Variants in DNAH1 observed in about 807,000 individuals in gnomAD.
DNAH1 encodes the protein dynein axonemal heavy chain 1.
Under a neutral mutation model 484.3 loss-of-function variants are expected in DNAH1, and 327 were observed. The observed-to-expected ratio is 0.68, with a 90% CI of 0.62 to 0.74. DNAH1 has a LOEUF of 0.74. DNAH1 is among the 30% of genes least tolerant of loss of function. The pLI is 0.00. For synonymous variants in DNAH1, 2,192 were observed against 2,191.9 expected (o/e 1.00, Z 0.00); for missense variants, 5,052 against 5,546.8 (o/e 0.91, Z 2.83).
At position 52,351,948 on chromosome 3, in the gene DNAH1, C is replaced by T. The variant is rs183881345; in HGVS notation, c.2730-14C>T. ...CGCGATATTTCTCCCAATCCCCACC[C>T]CCATCCCGGCCAGATGGATTGCCAG... On this transcript the variant is annotated splice_polypyrimidine_tract_variant and intron_variant, in intron 16 of 77. Coordinates refer to ENST00000420323, the MANE Select transcript of DNAH1 (RefSeq NM_015512.5). 3.1e-5 allele frequency: 49 copies of T among 1,596,740 alleles called. No individual in the cohort carries two copies. The Admixed American group carries it at 4.8e-4, about 16-fold the overall frequency.
rs764342068 is a variant in DNAH1, at chr3:52,391,632, G to C, written c.10052+29G>C. The C allele has an allele frequency of 4.5e-5, 72 of 1,612,546 alleles. 2 individuals carry two copies. In the South Asian group the frequency reaches 7.5e-4, roughly 17 times the overall value. ...AGCCCCCACTCTTGGGGACGCCCAA[G>C]CATCAGCTCTGCCTCTGCCTGCCCA... is the stretch of plus-strand genomic sequence containing the variant. On this transcript the variant is annotated intron_variant, in intron 63 of 77. Transcript: ENST00000420323.
rs1702499248 is a variant in DNAH1 at position 52,353,828 on chromosome 3, A to G, written c.3480+195A>G. Reference sequence around the variant, plus strand: ...CATAAAATTCTTGACAGTGTCCACCATTGCTATTATTTTTCAGTTACTCCT... The same window carrying G: ...CATAAAATTCTTGACAGTGTCCACCGTTGCTATTATTTTTCAGTTACTCCT... On this transcript the variant is annotated intron_variant, in intron 20 of 77. Coordinates refer to ENST00000420323, the MANE Select transcript of DNAH1 (RefSeq NM_015512.5). This position sits in a 1 kb window ranked among gnomAD's most constrained non-coding sequence, Gnocchi z 5.0. The G allele has an allele frequency of 1.4e-6, 1 of 740,436 alleles. No individual in the cohort carries two copies. The highest frequency in any genetic ancestry group is 2.1e-6 in the Non-Finnish European group (1 of 468,038). 45.9% of individuals were successfully genotyped at this position (740,436 alleles called of 1,614,324 possible).
intron 7 of DNAH1, 129 bp from the exon 8 acceptor site, chr3:52,332,013 A>G: frequency 1.7e-6 from 2 of 1,201,836 alleles, no homozygotes; most frequent in South Asian, 1.5e-5. Flanking sequence ...CAGATGCAAC[A>G]GGGGGTCAGA....
chr3:52,342,816 C>T (rs973106362), intron 8 of DNAH1, among the ~76,000 whole-genome samples: 1 of 152,136 alleles, frequency 6.6e-6, no homozygotes, highest in Non-Finnish European at 1.5e-5. Context: ...GGTTCTGACA[C>T]GTTGTAAGGC....
At position 52,379,849 on chromosome 3, in the gene DNAH1, G is replaced by T. The variant is rs1703763133; in HGVS notation, c.7378-56G>T. 8 of 1,480,172 alleles carry T rather than the reference G, an allele frequency of 5.4e-6. No homozygotes were observed. Among genetic ancestry groups the T allele is most frequent in the Non-Finnish European group, 7.3e-6 (8 of 1,093,714 alleles). 91.7% of individuals were successfully genotyped at this position (1,480,172 alleles called of 1,614,324 possible). A position where few individuals can be genotyped will look rare whatever the true frequency, so the allele number is the denominator to read the frequency against. ...CACCCTCCCTTGCCTGGTGGTTTGA[G>T]AGATAGCTGAGGGCTTGGGGGCCAA... is the stretch of plus-strand genomic sequence containing the variant. On this transcript the variant is annotated intron_variant, in intron 47 of 77. Coordinates refer to ENST00000420323, the MANE Select transcript of DNAH1 (RefSeq NM_015512.5). This position sits in a 1 kb window ranked among gnomAD's most constrained non-coding sequence, Gnocchi z 4.4.
chr3:52,341,437 A>G (rs1324213069), intron 8 of DNAH1, among the ~76,000 whole-genome samples: 1 of 151,852 alleles, frequency 6.6e-6, no homozygotes, highest in Non-Finnish European at 1.5e-5. Flanking sequence ...TTAGAAGTCT[A>G]GTCTCAGCCT....
At chr3:52,377,913 T>A (rs67834575) in intron 46 of DNAH1, among the ~76,000 whole-genome samples, 27,137 of 152,032 alleles carry the variant, frequency 0.18, 2,745 homozygotes, top group African/African-American at 0.26. Context: ...TTGTCGTCCT[T>A]ACCAACAAGA....
At chr3:52,360,130 C>T (rs1403563418) in intron 27 of DNAH1, 51 bp downstream of exon 27, 1 of 1,610,148 alleles carries the variant, frequency 6.2e-7, no homozygotes, top group Non-Finnish European at 8.5e-7. Context: ...CAGGAAGGGG[C>T]AGGGGAAAAG....
At position 52,322,464 on chromosome 3, in the gene DNAH1, G is replaced by A. The variant is rs1392324734; in HGVS notation, c.22G>A (p.Gly8Ser). The A allele has an allele frequency of 6.2e-7, 1 of 1,612,128 alleles. No individual in the cohort carries two copies. Among genetic ancestry groups the A allele is most frequent in the South Asian group, 1.1e-5 (1 of 90,982 alleles). The stretch of plus-strand genomic sequence containing the variant: ...CAGCATGGAGCAGCCTAACAGTAAA[G>A]GCTATAGCCTGGGAAGGACCCCTCA... MEQPNSK[G>S]YSLGRTPQGP... is the part of the protein sequence containing the mutation. Residue 8 changes from glycine (G) to serine (S), a missense_variant, in exon 2 of 78, where the codon GGC becomes AGC. By Grantham distance (56) the Gly-to-Ser change is moderately conservative. Coordinates refer to ENST00000420323, the MANE Select transcript of DNAH1 (RefSeq NM_015512.5).
chr3:52,368,879 G>A lies in DNAH1; in HGVS notation c.5904G>A (p.Lys1968=), dbSNP rs773269963. ...NMNTVLDDNK[K]LCLSSGEIIK... is the part of the protein sequence containing the mutation. ...ACACGGTGCTGGATGACAACAAGAA[G>A]CTGTGCCTCAGCTCTGGGGAGATCA... is the stretch of plus-strand genomic sequence containing the variant. The change falls in exon 37 of 78, where the codon AAG becomes AAA. Residue 1968 remains lysine, a synonymous_variant. Coordinates refer to ENST00000420323, the MANE Select transcript of DNAH1 (RefSeq NM_015512.5). This position sits in a 1 kb window ranked among gnomAD's most constrained non-coding sequence, Gnocchi z 4.4. The A allele has an allele frequency of 2.5e-6, 4 of 1,614,032 alleles. No homozygotes were observed. The Admixed American group carries it at 5.0e-5, about 20-fold the overall frequency.
chr3:52,382,238 A>G (rs899896645), intron 49 of DNAH1, 82 bp from the exon 50 acceptor site: 1 of 1,605,154 alleles, frequency 6.2e-7, no homozygotes, highest in African/African-American at 1.3e-5. Flanking sequence ...CCAGGTGGTC[A>G]GGGTAGGGTG....
chr3:52,398,261 T>C lies in DNAH1; in HGVS notation c.12089+99T>C. On this transcript the variant is annotated intron_variant, in intron 75 of 77. Transcript: ENST00000420323. ...ATGGGCCAGGTGCCATGCCAAGTGC[T>C]ACACATCCTCTAACTCAGCTATTTT... The C allele has an allele frequency of 2.1e-6, 3 of 1,410,566 alleles. No homozygotes were observed. The South Asian group carries it at 4.3e-5, about 20-fold the overall frequency. The allele number at this position is 1,410,566 out of a possible 1,614,324, so 87.4% of individuals were successfully genotyped here. A position where few individuals can be genotyped will look rare whatever the true frequency, so the allele number is the denominator to read the frequency against.
Position 52,372,098 on chromosome 3 carries a change from C to G in DNAH1, c.6666+12C>G, listed in dbSNP as rs748209632. 3.7e-6 allele frequency: 6 copies of G among 1,613,034 alleles called. No homozygotes were observed. The highest frequency in any genetic ancestry group is 2.2e-5 in the East Asian group (1 of 44,880). ...CCAACAAGAAGCCCGTGAGCACCCC[C>G]CCAGGCCCTGCCTCCACTGTCCCCA... On this transcript the variant is annotated intron_variant, in intron 42 of 77. Transcript: ENST00000420323.
At chr3:52,370,930 A>C in intron 41 of DNAH1, 105 bp downstream of exon 41, 1 of 1,092,736 alleles carries the variant, frequency 9.2e-7, no homozygotes, top group Non-Finnish European at 1.3e-6. Flanking sequence ...ATTGATGGCC[A>C]CCAGGTCTCA....
chr3:52,368,795 C>G lies in DNAH1; in HGVS notation c.5820C>G (p.Thr1940=). The G allele has an allele frequency of 1.2e-6, 2 of 1,613,990 alleles. No individual in the cohort carries two copies. The highest frequency in any genetic ancestry group is 1.7e-6 in the Non-Finnish European group (2 of 1,179,890). The change falls in exon 37 of 78, where the codon ACC becomes ACG. Residue 1940 remains threonine, a synonymous_variant. Transcript: ENST00000420323. The surrounding 1 kb of genome is among the most constrained non-coding windows in gnomAD (Gnocchi z 4.4). ...FIRAGAITSD[T]NKKWYMFDGP... ...GGGCGGGGGCCATCACCTCCGACAC[C>G]AACAAGAAGTGGTACATGTTCGATG...
At chr3:52,341,101 C>G (rs1159095040) in intron 8 of DNAH1, among the ~76,000 whole-genome samples, 1 of 151,982 alleles carries the variant, frequency 6.6e-6, no homozygotes, top group East Asian at 1.9e-4. Context: ...ATGTTTTTGG[C>G]TTTAAGTATC....
At chr3:52,315,275 G>A (rs528954007), upstream of DNAH1, among the ~76,000 whole-genome samples, 1 of 152,236 alleles carries the variant, frequency 6.6e-6, no homozygotes, top group African/African-American at 2.4e-5. Context: ...CTGGGGACAG[G>A]TGGGGAGCGG....
At chr3:52,314,038 G>A (rs984246859), upstream of DNAH1, among the ~76,000 whole-genome samples, 1 of 152,218 alleles carries the variant, frequency 6.6e-6, no homozygotes, top group Non-Finnish European at 1.5e-5. Context: ...TGGGGGATGA[G>A]TGGATGGGAG....
chr3:52,349,280 T>C lies in DNAH1; in HGVS notation c.2386T>C (p.Ser796Pro). The change falls in exon 14 of 78, where the codon TCG becomes CCG. Residue 796 changes from serine (S) to proline (P), a missense_variant. Ser to Pro is a moderately conservative substitution (Grantham distance 74). Transcript: ENST00000420323. ...GCGGGAGAAGGAGATCCTGGACAGC[T>C]CGCTGCCCAGCAGCATCATCATTGG... ...HLREKEILDS[S>P]LPSSIIIGPF... The C allele has an allele frequency of 6.2e-7, 1 of 1,613,968 alleles. No individual in the cohort carries two copies. Among genetic ancestry groups the C allele is most frequent in the Non-Finnish European group, 8.5e-7 (1 of 1,179,870 alleles).
Sources: gnomAD v4.1 joint callset for allele counts (sites outside exome capture counted in the v4.1 genomes callset) on GRCh38, gnomAD v4.1.1 for gene constraint, Gnocchi (gnomAD v3.1) non-coding constraint, MANE v1.5 for transcripts, NCBI Gene and HGNC (gene_info 2026-07-23, HGNC 2026-07-21) for gene names.